UBL7: variants seen among roughly 807,000 people sequenced by gnomAD.
UBL7 encodes ubiquitin-like protein 7.
In UBL7, 21 loss-of-function variants were observed where a neutral mutation model predicts 41.7. That is an observed-to-expected ratio of 0.50 (90% CI 0.36 to 0.73). The LOEUF is 0.73. Ranked by LOEUF, UBL7 falls within the 30% of genes least tolerant of loss-of-function variation. The probability of loss-of-function intolerance (pLI) is 0.00; values close to 1 mark genes in which losing one functional copy is unlikely to be tolerated. For missense variants in UBL7, 403 were observed against 478.4 expected (o/e 0.84, Z 1.47); for synonymous variants, 157 against 186.9 (o/e 0.84, Z 1.31).
rs1174659417 is a variant in UBL7, at chr15:74,456,591, C to A, written c.265G>T (p.Val89Phe). The A allele has an allele frequency of 6.2e-7, 1 of 1,614,172 alleles. No individual in the cohort carries two copies. The highest frequency in any genetic ancestry group is 8.5e-7 in the Non-Finnish European group (1 of 1,180,028). The change falls in exon 3 of 11, where the codon GTT becomes TTT. Residue 89 changes from valine (V) to phenylalanine (F), a missense_variant. By Grantham distance (50) the Val-to-Phe change is conservative (BLOSUM62 -1). Transcript: ENST00000395081. ...YGIQPGSTVH[V>F]LRKSWPEPDQ... is the part of the protein sequence containing the mutation. Reference sequence around the variant, plus strand: ...GGTTCAGGCCAGGACTTTCGCAGAACATGGACAGTGGACCCAGGTTGAATG... The same window carrying A: ...GGTTCAGGCCAGGACTTTCGCAGAAAATGGACAGTGGACCCAGGTTGAATG...
At chr15:74,452,252 A>C in intron 4 of UBL7, 44 bp downstream of exon 4, 2 of 1,531,992 alleles carry the variant, frequency 1.3e-6, no homozygotes, top group Non-Finnish European at 1.8e-6. Flanking sequence ...CAGCGTTCAC[A>C]CCCTCTCCTA....
rs138321089 is a variant in UBL7, at chr15:74,452,279, C to A, written c.387+17G>T. 1.2e-4 allele frequency: 188 copies of A among 1,551,216 alleles called. 1 individual carries two copies. In the African/African-American group the frequency reaches 2.3e-3, roughly 19 times the overall value. ...CCTCTCCTACAGTCCTGGCTGGGGG[C>A]CGCAGCACACACTCACCGCCTCCCT... is the stretch of plus-strand genomic sequence containing the variant. On this transcript the variant is annotated intron_variant, in intron 4 of 10. Transcript: ENST00000395081.
intron 8 of UBL7, 33 bp downstream of exon 8, chr15:74,449,593 T>C: frequency 6.2e-7 from 1 of 1,613,966 alleles, no homozygotes; most frequent in Non-Finnish European, 8.5e-7. Context: ...CCCCCACATG[T>C]CAGCATGTCA....
intron 2 of UBL7, among the ~76,000 whole-genome samples, chr15:74,456,963 C>G (rs1486767958): frequency 6.6e-6 from 1 of 152,108 alleles, no homozygotes; most frequent in African/African-American, 2.4e-5. Flanking sequence ...GCACATGCCA[C>G]CACACCCAGC....
intron 2 of UBL7, 116 bp from the exon 3 acceptor site, chr15:74,456,787 A>T: frequency 8.2e-7 from 1 of 1,224,924 alleles, no homozygotes. Context: ...TTTAAAAGAT[A>T]CTCTTATTCA....
At chr15:74,456,249 G>A (rs550370740) in intron 3 of UBL7, among the ~76,000 whole-genome samples, 1 of 152,076 alleles carries the variant, frequency 6.6e-6, no homozygotes, top group South Asian at 2.1e-4. Context: ...AGTGATCCAA[G>A]ATCAAGATTG....
Position 74,449,635 on chromosome 15 carries a change from G to C in UBL7, c.705C>G (p.Asp235Glu). The change falls in exon 8 of 11, where the codon GAC becomes GAG. Residue 235 changes from aspartate (D) to glutamate (E), a missense_variant. Physicochemically the swap from Asp to Glu is conservative, Grantham distance 45 (BLOSUM62 2). Coordinates refer to ENST00000395081, the MANE Select transcript of UBL7 (RefSeq NM_032907.5). ...LFEGLSDDEDDFHPNTRSTPS... is the reference protein window; with the variant it reads ...LFEGLSDDEDEFHPNTRSTPS... ...CAGGCAGGCCACTTACTGGGTGAAA[G>C]TCATCCTCATCATCTGAGAGCCCTT... The C allele has an allele frequency of 6.2e-7, 1 of 1,614,148 alleles. No individual in the cohort carries two copies. Among genetic ancestry groups the C allele is most frequent in the South Asian group, 1.1e-5 (1 of 91,078 alleles).
rs2061225740 is a variant in UBL7 at position 74,449,923 on chromosome 15, T to C, written c.664+13A>G. ...CTCCTGAGGGGCCCACATTACACTT[T>C]TCAGGCGCTCACCTGGCATATCCCG... is the stretch of plus-strand genomic sequence containing the variant. On this transcript the variant is annotated intron_variant, in intron 7 of 10. Coordinates refer to ENST00000395081, the MANE Select transcript of UBL7 (RefSeq NM_032907.5). 2 of 1,606,970 alleles carry C rather than the reference T, an allele frequency of 1.2e-6. No homozygotes were observed. The highest frequency in any genetic ancestry group is 1.7e-6 in the Non-Finnish European group (2 of 1,176,802).
At chr15:74,448,897 G>A (rs2061212082) in intron 9 of UBL7, among the ~76,000 whole-genome samples, 1 of 152,204 alleles carries the variant, frequency 6.6e-6, no homozygotes, top group Non-Finnish European at 1.5e-5. Context: ...GCTTAAGCTG[G>A]TGATGTCTGC....
Position 74,452,342 on chromosome 15 carries a change from C to A in UBL7, c.341G>T (p.Arg114Leu). The change falls in exon 4 of 11, where the codon CGG becomes CTG. Residue 114 changes from arginine (R) to leucine (L), a missense_variant. Physicochemically the swap from Arg to Leu is moderately radical, Grantham distance 102. Transcript: ENST00000395081. ...VDKVAAMREF[R>L]VLHTALHSSS... ...GCTGTGCAGGGCAGTGTGCAACACC[C>A]GGAACTCTCTCATGGCAGCCACTTT... 1 of 1,561,674 alleles carries A rather than the reference C, an allele frequency of 6.4e-7. No individual in the cohort carries two copies. Among genetic ancestry groups the A allele is most frequent in the Admixed American group, 1.9e-5 (1 of 52,394 alleles).
intron 3 of UBL7, among the ~76,000 whole-genome samples, chr15:74,452,650 G>A (rs1054310578): frequency 6.6e-6 from 1 of 152,184 alleles, no homozygotes; most frequent in Non-Finnish European, 1.5e-5. Flanking sequence ...CTTACCACAT[G>A]AAAAACGGTG....
rs2061245682 is a variant in UBL7, at chr15:74,451,486, T to C, written c.422A>G (p.Asp141Gly). ...FKMLSNKESL[D>G]QIIVATPGLS... ...GCCTGGGGTGGCCACAATGATCTGA[T>C]CCAGAGACTCCTTATTGCTGAGCAT... Residue 141 changes from aspartate to glycine, a missense_variant, in exon 5 of 11, where the codon GAT (aspartate) becomes GGT (glycine). Transcript: ENST00000395081. The C allele has an allele frequency of 3.7e-6, 6 of 1,614,108 alleles. No homozygotes were observed. In the East Asian group the frequency reaches 1.3e-4, roughly 36 times the overall value.
At chr15:74,459,463 G>A (rs1299765669) in intron 1 of UBL7, among the ~76,000 whole-genome samples, 3 of 145,644 alleles carry the variant, frequency 2.1e-5, no homozygotes, top group Non-Finnish European at 4.6e-5. Context: ...CACCCGCCAC[G>A]ACGCCAGGCT....
chr15:74,458,980 C>A, intron 1 of UBL7, 84 bp from the exon 2 acceptor site: 2 of 1,332,128 alleles, frequency 1.5e-6, no homozygotes, highest in Non-Finnish European at 2.1e-6. Flanking sequence ...GAATGAAAGA[C>A]AATTCAATGT....
chr15:74,448,826 CCAGCACTG>C (rs2061211476), intron 9 of UBL7, among the ~76,000 whole-genome samples: 1 of 152,128 alleles, frequency 6.6e-6, no homozygotes, highest in East Asian at 1.9e-4. Flanking sequence ...GCCTAGGACC[CCAGCACTG>C]CAGCACTGGG....
intron 2 of UBL7, 86 bp downstream of exon 2, chr15:74,458,591 TCCCAAGC>T: frequency 8.9e-7 from 1 of 1,125,758 alleles, no homozygotes; most frequent in South Asian, 1.4e-5. Flanking sequence ...AGGCAACAAA[TCCCAAGC>T]CCTTACTTTA....
chr15:74,449,059 A>AC, intron 9 of UBL7, 127 bp downstream of exon 9: 1 of 1,181,618 alleles, frequency 8.5e-7, no homozygotes, highest in Admixed American at 2.9e-5. Flanking sequence ...AGAAATCCCC[A>AC]CCAGGACTCC....
intron 5 of UBL7, 67 bp from the exon 6 acceptor site, chr15:74,450,926 T>C: frequency 1.3e-6 from 2 of 1,569,038 alleles, no homozygotes; most frequent in South Asian, 2.2e-5. Context: ...GAAGAGGCTT[T>C]GCGTCTCAGA....
Position 74,446,266 on chromosome 15 carries a change from G to A in UBL7, c.1006-39C>T. 1 of 1,612,098 alleles carries A rather than the reference G, an allele frequency of 6.2e-7. No individual in the cohort carries two copies. The highest frequency in any genetic ancestry group is 2.2e-5 in the East Asian group (1 of 44,874). ...GGAATGGGCAGAAGCTGTTAGCTGG[G>A]ATCCAGTGAAGACTCACTTAGGTCT... is the stretch of plus-strand genomic sequence containing the variant. On this transcript the variant is annotated intron_variant, in intron 10 of 10. Transcript: ENST00000395081. The surrounding 1 kb of genome is among the most constrained non-coding windows in gnomAD (Gnocchi z 4.1).
Sources: gnomAD v4.1 joint callset for allele counts (sites outside exome capture counted in the v4.1 genomes callset) on GRCh38, gnomAD v4.1.1 for gene constraint, Gnocchi (gnomAD v3.1) non-coding constraint, MANE v1.5 for transcripts, NCBI Gene and HGNC (gene_info 2026-07-23, HGNC 2026-07-21) for gene names.